Variants in LPP observed in about 807,000 individuals in gnomAD.
The protein encoded by LPP is lipoma-preferred partner.
Under a neutral mutation model 60.4 loss-of-function variants are expected in LPP, and 38 were observed. That is an observed-to-expected ratio of 0.63 (90% CI 0.49 to 0.83). The LOEUF is 0.83. Ranked by LOEUF, LPP falls within the 40% of genes least tolerant of loss-of-function variation. The probability of loss-of-function intolerance (pLI) is 0.00; values close to 1 mark genes in which losing one functional copy is unlikely to be tolerated. For missense variants in LPP, 902 were observed against 783.6 expected, an observed-to-expected ratio of 1.15 and a Z score of -1.80; for synonymous variants, 328 against 290.8, an observed-to-expected ratio of 1.13 and a Z score of -1.30.
At chr3:188,486,322 C>T (rs1230517372) in intron 5 of LPP, among the ~76,000 whole-genome samples, 1 of 152,074 alleles carries the variant, frequency 6.6e-6, no homozygotes, top group Non-Finnish European at 1.5e-5. Flanking sequence ...ATTATTCAAG[C>T]ACTAGGAATG....
At chr3:188,205,277 C>CTTTTTT (rs34713244) in intron 1 of LPP, among the ~76,000 whole-genome samples, 1 of 103,410 alleles carries the variant, frequency 9.7e-6, no homozygotes, top group Non-Finnish European at 1.9e-5. Context: ...AGATTATAAT[C>CTTTTTT]TTTTTTTTTT....
At chr3:188,750,369 A>G (rs1419873642) in intron 8 of LPP, among the ~76,000 whole-genome samples, 1 of 152,164 alleles carries the variant, frequency 6.6e-6, no homozygotes, top group Non-Finnish European at 1.5e-5. Context: ...GGTGGTTCAC[A>G]CTTGTAATTC....
At chr3:188,313,098 C>T (rs574699296) in intron 2 of LPP, among the ~76,000 whole-genome samples, 120 of 151,128 alleles carry the variant, frequency 7.9e-4, no homozygotes, top group East Asian at 4.1e-3. Context: ...CAAATCTGCA[C>T]GTTGTGCACA....
intron 5 of LPP, among the ~76,000 whole-genome samples, chr3:188,495,082 A>ATATATATATATATTT (rs1342207321): frequency 1.0e-5 from 1 of 97,270 alleles, no homozygotes; most frequent in African/African-American, 4.0e-5. Context: ...ATATATATAT[A>ATATATATATATATTT]TTTTATTTAT....
intron 7 of LPP, among the ~76,000 whole-genome samples, chr3:188,620,915 C>A (rs929394990): frequency 6.6e-6 from 1 of 152,170 alleles, no homozygotes; most frequent in Admixed American, 6.5e-5. Flanking sequence ...TAATATAGTA[C>A]ATTGCATGTA....
intron 7 of LPP, among the ~76,000 whole-genome samples, chr3:188,685,848 T>TA (rs199998373): frequency 0.014 from 2,176 of 150,794 alleles, 36 homozygotes; most frequent in African/African-American, 0.049. Flanking sequence ...CTACTTTTCT[T>TA]AAAAAAAAAA....
At chr3:188,452,065 TC>T (rs1362691058) in intron 4 of LPP, among the ~76,000 whole-genome samples, 1 of 152,180 alleles carries the variant, frequency 6.6e-6, no homozygotes, top group African/African-American at 2.4e-5. Flanking sequence ...TACTTAACAA[TC>T]TGGTTTCAGA....
intron 8 of LPP, among the ~76,000 whole-genome samples, chr3:188,750,588 G>A (rs532445469): frequency 2.5e-4 from 38 of 152,074 alleles, no homozygotes; most frequent in Admixed American, 2.1e-3. Flanking sequence ...AGCCAAGATC[G>A]CACCACTGCA....
chr3:188,772,634 A>ACTCC (rs1736437687), intron 9 of LPP, among the ~76,000 whole-genome samples: 1 of 152,088 alleles, frequency 6.6e-6, no homozygotes, highest in Non-Finnish European at 1.5e-5. Context: ...AGCTGGGACT[A>ACTCC]CAGGTGCCCG....
chr3:188,340,059 C>T (rs996850510), intron 2 of LPP, among the ~76,000 whole-genome samples: 73 of 152,258 alleles, frequency 4.8e-4, no homozygotes, highest in African/African-American at 1.6e-3. Flanking sequence ...GCTATACACT[C>T]GGTTTCCCTT....
chr3:188,222,528 C>G (rs1390647437), intron 1 of LPP, among the ~76,000 whole-genome samples: 2 of 152,164 alleles, frequency 1.3e-5, no homozygotes, highest in Non-Finnish European at 2.9e-5. Flanking sequence ...ATCCTTTACA[C>G]AAGTCCAATA....
At chr3:188,503,296 G>A (rs865783941) in intron 5 of LPP, among the ~76,000 whole-genome samples, 19 of 151,914 alleles carry the variant, frequency 1.3e-4, no homozygotes, top group African/African-American at 4.4e-4. Flanking sequence ...TTTATACATT[G>A]TGTACACAAC....
chr3:188,609,738 G>C lies in LPP; in HGVS notation c.1007G>C (p.Gly336Ala), dbSNP rs754338664. 12 of 1,613,992 alleles carry C rather than the reference G, an allele frequency of 7.4e-6. No homozygotes were observed. Among genetic ancestry groups the C allele is most frequent in the African/African-American group, 1.3e-5 (1 of 74,894 alleles). Residue 336 changes from glycine to alanine, a missense_variant, in exon 7 of 12, where the codon GGA becomes GCA. Transcript: ENST00000617246. This position sits in a 1 kb window ranked among gnomAD's most constrained non-coding sequence, Gnocchi z 6.9. ...CGGGAACCAGGGTACACTCCTCCTG[G>C]AGCAGGGAACCAGAACCCTCCTGGG... is the stretch of plus-strand genomic sequence containing the variant. ...WKREPGYTPP[G>A]AGNQNPPGMY...
chr3:188,886,274 A>C lies in LPP; in HGVS notation c.*11795A>C. 1 of 159,920 alleles carries C rather than the reference A, an allele frequency of 6.3e-6. No individual in the cohort carries two copies. Among genetic ancestry groups the C allele is most frequent in the Non-Finnish European group, 1.4e-5 (1 of 72,930 alleles). 9.9% of individuals were successfully genotyped at this position (159,920 alleles called of 1,614,324 possible). A position where few individuals can be genotyped will look rare whatever the true frequency, so the allele number is the denominator to read the frequency against. On this transcript the variant is annotated 3_prime_UTR_variant, in exon 12 of 12. Coordinates refer to ENST00000617246, the MANE Select transcript of LPP (RefSeq NM_001375462.1). Reference sequence around the variant, plus strand: ...TATGTAACTAACCTGCACATTGTGCACATGTACCCTAAAACTTAAAGTATA... The same window carrying C: ...TATGTAACTAACCTGCACATTGTGCCCATGTACCCTAAAACTTAAAGTATA...
chr3:188,450,855 C>T (rs1309990104), intron 4 of LPP, among the ~76,000 whole-genome samples: 7 of 152,100 alleles, frequency 4.6e-5, no homozygotes, highest in South Asian at 2.1e-4. Flanking sequence ...TGATTGATTT[C>T]GTTAGTGATA....
rs149949006 is a variant in LPP at position 188,674,545 on chromosome 3, G to A, written c.1114-33722G>A. 5.4e-3 allele frequency among the ~76,000 whole-genome samples: 817 copies of A among 152,288 alleles called. 7 individuals are homozygous for A. Among genetic ancestry groups the A allele is most frequent in the African/African-American group, 0.019 (778 of 41,562 alleles). On this transcript the variant is annotated intron_variant, in intron 7 of 11. Coordinates refer to ENST00000617246, the MANE Select transcript of LPP (RefSeq NM_001375462.1). ...GTTTTGTTAACACTGCTGCACCGAA[G>A]CTCTAGCTGAATTCACATAATCTCA... is the stretch of plus-strand genomic sequence containing the variant.
intron 6 of LPP, among the ~76,000 whole-genome samples, chr3:188,605,965 A>G (rs766915155): frequency 6.6e-6 from 1 of 152,170 alleles, no homozygotes; most frequent in Non-Finnish European, 1.5e-5. Context: ...ACTGGAGGAC[A>G]CTGTTATCAT....
chr3:188,746,715 A>C (rs1726341348), intron 8 of LPP: 6 of 321,434 alleles, frequency 1.9e-5, no homozygotes, highest in Non-Finnish European at 3.7e-5. Flanking sequence ...CTCTTGACTT[A>C]TCTCACTAGT....
At chr3:188,488,023 T>G (rs935842870) in intron 5 of LPP, among the ~76,000 whole-genome samples, 1 of 143,732 alleles carries the variant, frequency 7.0e-6, no homozygotes, top group Non-Finnish European at 1.5e-5. Context: ...TAATTTCCTT[T>G]TTTTTTTTTT....
Sources: gnomAD v4.1 joint callset for allele counts (sites outside exome capture counted in the v4.1 genomes callset) on GRCh38, gnomAD v4.1.1 for gene constraint, Gnocchi (gnomAD v3.1) non-coding constraint, MANE v1.5 for transcripts, NCBI Gene and HGNC (gene_info 2026-07-23, HGNC 2026-07-21) for gene names.